The following EVI5 variants were observed in gnomAD, a reference collection of about 807,000 sequenced individuals.
EVI5 encodes the protein ecotropic viral integration site 5 protein homolog.
Under a neutral mutation model 112.0 loss-of-function variants are expected in EVI5, and 73 were observed. The observed-to-expected ratio is 0.65, with a 90% CI of 0.54 to 0.79. The LOEUF is 0.79. Ranked by LOEUF, EVI5 falls within the 30% of genes least tolerant of loss-of-function variation. EVI5 has a pLI of 0.00. For missense variants in EVI5, 900 were observed against 968.8 expected (o/e 0.93, Z 0.94); for synonymous variants, 305 against 319.9 (o/e 0.95, Z 0.50).
At chr1:92,548,219 G>A (rs1027028979) in intron 19 of EVI5, among the ~76,000 whole-genome samples, 3 of 152,074 alleles carry the variant, frequency 2.0e-5, no homozygotes, top group African/African-American at 7.2e-5. Flanking sequence ...ATGTAATCCA[G>A]TATATAAACA....
At chr1:92,786,233 CAG>C (rs1491270854), upstream of EVI5, among the ~76,000 whole-genome samples, 4 of 21,448 alleles carry the variant, frequency 1.9e-4, no homozygotes, top group African/African-American at 8.1e-4. Flanking sequence ...CTAAGCATTT[CAG>C]AAAAAAAAAA....
Position 92,742,490 on chromosome 1 carries a change from T to C in EVI5, c.-81-5863A>G, listed in dbSNP as rs555505683. 2.6e-5 allele frequency among the ~76,000 whole-genome samples: 4 copies of C among 151,896 alleles called. No homozygotes were observed. The East Asian group carries it at 7.9e-4, about 30-fold the overall frequency. On this transcript the variant is annotated intron_variant, in intron 1 of 19. Transcript: ENST00000684568. ...GAGTTCGAGACCAGCCTGGCCAACATGGAGAAACCCCATCTCTACTAAAAA... is the reference window on the plus strand; with the variant it reads ...GAGTTCGAGACCAGCCTGGCCAACACGGAGAAACCCCATCTCTACTAAAAA...
chr1:92,698,836 C>A (rs962652428), intron 5 of EVI5, among the ~76,000 whole-genome samples: 1 of 151,984 alleles, frequency 6.6e-6, no homozygotes, highest in Non-Finnish European at 1.5e-5. Context: ...TTAAAGGTAC[C>A]AATTTCACAT....
chr1:92,785,128 G>A (rs1685472497), upstream of EVI5: 1 of 985,274 alleles, frequency 1.0e-6, no homozygotes, highest in Non-Finnish European at 1.2e-6. Context: ...GCGCGGGAGG[G>A]CCTTAAAGAG....
At position 92,653,484 on chromosome 1, in the gene EVI5, T is replaced by A. The variant is rs558713133; in HGVS notation, c.1392+9235A>T. On this transcript the variant is annotated intron_variant, in intron 13 of 19. Transcript: ENST00000684568. ...ACAAGGCTTTGCAAGTGTGATTTCA[T>A]CCCAGGGGCCAACCTAGTATGAGTG... 2.6e-5 allele frequency among the ~76,000 whole-genome samples: 4 copies of A among 152,286 alleles called. No individual in the cohort carries two copies. In the East Asian group the frequency reaches 7.7e-4, roughly 29 times the overall value.
At chr1:92,708,245 A>G (rs985778499) in intron 2 of EVI5, among the ~76,000 whole-genome samples, 53 of 152,300 alleles carry the variant, frequency 3.5e-4, no homozygotes, top group African/African-American at 1.3e-3. Context: ...CTTGCGAATC[A>G]TAAGGGACTT....
In EVI5 at chr1:92,736,467, G is replaced by A; in HGVS notation, c.80C>T (p.Ser27Leu). Residue 27 changes from serine to leucine, a missense_variant, in exon 2 of 20, where the codon TCA (serine) becomes TTA (leucine). Transcript: ENST00000684568. ...SSTTLSTPAL[S>L]PSSPSQLSPD... ...ACTCAACTGTGATGGGGAAGATGGT[G>A]AAAGGGCTGGTGTTGATAGTGTGGT... 6.2e-7 allele frequency: 1 copy of A among 1,614,012 alleles called. No homozygotes were observed. Among genetic ancestry groups the A allele is most frequent in the Non-Finnish European group, 8.5e-7 (1 of 1,179,938 alleles).
chr1:92,683,256 G>A (rs1041122915), intron 9 of EVI5, among the ~76,000 whole-genome samples: 5 of 152,152 alleles, frequency 3.3e-5, no homozygotes, highest in Non-Finnish European at 5.9e-5. Flanking sequence ...CTCCGCTGAT[G>A]ATACCCATGC....
chr1:92,658,287 G>GA, intron 13 of EVI5, among the ~76,000 whole-genome samples: 1 of 152,132 alleles, frequency 6.6e-6, no homozygotes, highest in East Asian at 1.9e-4. Flanking sequence ...TGGAAAAGAG[G>GA]AAGTCAAATT....
intron 18 of EVI5, among the ~76,000 whole-genome samples, chr1:92,589,930 G>A (rs1031112049): frequency 1.3e-5 from 2 of 152,172 alleles, no homozygotes; most frequent in Non-Finnish European, 2.9e-5. Context: ...CCAGAGGAAC[G>A]ATCAGGCAGC....
At chr1:92,525,864 T>C (rs1661785516) in intron 19 of EVI5, among the ~76,000 whole-genome samples, 1 of 152,214 alleles carries the variant, frequency 6.6e-6, no homozygotes, top group South Asian at 2.1e-4. Flanking sequence ...TTTACTTTTT[T>C]CTTAGACCAG....
chr1:92,611,703 A>C (rs1196735222), intron 16 of EVI5, among the ~76,000 whole-genome samples: 2 of 147,400 alleles, frequency 1.4e-5, no homozygotes, highest in African/African-American at 2.5e-5. Flanking sequence ...CGTCACAAAA[A>C]AAAAAAAAAA....
chr1:92,772,695 G>A (rs1683586268), intron 1 of EVI5, among the ~76,000 whole-genome samples: 2 of 151,832 alleles, frequency 1.3e-5, no homozygotes, highest in Admixed American at 1.3e-4. Flanking sequence ...CTGAGGACAG[G>A]AGGAGTTCAA....
Position 92,698,112 on chromosome 1 carries a change from A to G in EVI5, c.640-127T>C. On this transcript the variant is annotated intron_variant, in intron 5 of 19. Coordinates refer to ENST00000684568, the MANE Select transcript of EVI5 (RefSeq NM_001350197.2). ...TGAGTGGCTGTGTGCTGCAATGTTAAGAGCAATGAGGTAAGAATCAGAAAG... is the reference window on the plus strand; with the variant it reads ...TGAGTGGCTGTGTGCTGCAATGTTAGGAGCAATGAGGTAAGAATCAGAAAG... 6 of 782,804 alleles carry G rather than the reference A, an allele frequency of 7.7e-6. No homozygotes were observed. The South Asian group carries it at 1.1e-4, about 14-fold the overall frequency. 48.5% of individuals were successfully genotyped at this position (782,804 alleles called of 1,614,324 possible).
intron 13 of EVI5, chr1:92,647,501 A>C: frequency 2.0e-6 from 1 of 489,236 alleles, no homozygotes; most frequent in East Asian, 3.5e-5. Context: ...ACTGTCTTCC[A>C]CCTCTCAGAG....
At chr1:92,637,155 A>G (rs1021349876) in intron 13 of EVI5, among the ~76,000 whole-genome samples, 3 of 152,178 alleles carry the variant, frequency 2.0e-5, no homozygotes, top group Admixed American at 2.0e-4. Context: ...AGGCGGGTGG[A>G]TCACTTGAGG....
intron 18 of EVI5, among the ~76,000 whole-genome samples, chr1:92,566,442 G>A (rs1669504654): frequency 6.6e-6 from 1 of 152,168 alleles, no homozygotes; most frequent in Admixed American, 6.5e-5. Context: ...TTGTGGTGGT[G>A]CTGGTGTAAA....
intron 13 of EVI5, among the ~76,000 whole-genome samples, chr1:92,639,884 G>A (rs1329241236): frequency 1.3e-5 from 2 of 152,160 alleles, no homozygotes; most frequent in Non-Finnish European, 2.9e-5. Flanking sequence ...CAAGGCTACA[G>A]TAACCCAACA....
intron 6 of EVI5, among the ~76,000 whole-genome samples, chr1:92,697,011 G>A (rs1339609918): frequency 6.6e-6 from 1 of 152,154 alleles, no homozygotes; most frequent in Admixed American, 6.5e-5. Flanking sequence ...CTGCACTCCA[G>A]CCTGGGCCAC....
Sources: allele counts gnomAD v4.1 joint callset (sites outside exome capture counted in the v4.1 genomes callset), GRCh38; gene constraint gnomAD v4.1.1; transcripts MANE v1.5; gene names NCBI Gene and HGNC (gene_info 2026-07-23, HGNC 2026-07-21).